The following SRGAP1 variants were observed in gnomAD, a reference collection of about 807,000 sequenced individuals.
The protein encoded by SRGAP1 is SLIT-ROBO Rho GTPase-activating protein 1.
In SRGAP1, 43 loss-of-function variants were observed where a neutral mutation model predicts 121.9. The ratio of observed to expected loss-of-function variants is 0.35; its 90% CI spans 0.28 to 0.46. The LOEUF (loss-of-function observed/expected upper bound fraction) is 0.46. Among genes scored for constraint, SRGAP1 ranks in the 20% least tolerant of loss-of-function variants. SRGAP1 has a pLI of 1.00. For synonymous variants in SRGAP1, 447 were observed against 485.4 expected (o/e 0.92, Z 1.04); for missense variants, 1,102 against 1,350.9 (o/e 0.82, Z 2.89).
intron 3 of SRGAP1, among the ~76,000 whole-genome samples, chr12:64,008,420 G>A (rs1310475547): frequency 6.6e-6 from 1 of 152,092 alleles, no homozygotes; most frequent in Non-Finnish European, 1.5e-5. Context: ...TCAGATTGGT[G>A]ACCAGTTAAC....
At chr12:64,036,456 A>G (rs546646186) in intron 4 of SRGAP1, among the ~76,000 whole-genome samples, 28 of 152,308 alleles carry the variant, frequency 1.8e-4, no homozygotes, top group African/African-American at 6.7e-4. Flanking sequence ...TCTTTATCTT[A>G]GGTAGTTGAT....
intron 1 of SRGAP1, among the ~76,000 whole-genome samples, chr12:63,852,416 C>T (rs1358164106): frequency 3.9e-5 from 6 of 152,138 alleles, no homozygotes; most frequent in Non-Finnish European, 8.8e-5. Flanking sequence ...CTTGAATTAT[C>T]CTAAGAGAGT....
At chr12:63,853,576 G>T (rs1899145374) in intron 1 of SRGAP1, among the ~76,000 whole-genome samples, 1 of 152,188 alleles carries the variant, frequency 6.6e-6, no homozygotes, top group Non-Finnish European at 1.5e-5. Flanking sequence ...AATAATTAAA[G>T]ATAATCATAA....
chr12:63,987,001 G>A (rs2033436605), intron 2 of SRGAP1, among the ~76,000 whole-genome samples: 1 of 152,184 alleles, frequency 6.6e-6, no homozygotes, highest in Non-Finnish European at 1.5e-5. Flanking sequence ...AGCCAGACTT[G>A]GGTTTGAATA....
chr12:64,091,743 G>T (rs1217989893), intron 12 of SRGAP1: 1 of 588,130 alleles, frequency 1.7e-6, no homozygotes, highest in African/African-American at 1.9e-5. Flanking sequence ...TGTTAGGATA[G>T]CTCTGAAACA....
chr12:64,100,182 C>T (rs1012834393), intron 15 of SRGAP1, among the ~76,000 whole-genome samples: 1 of 152,170 alleles, frequency 6.6e-6, no homozygotes, highest in Non-Finnish European at 1.5e-5. Context: ...AAACTGTGGT[C>T]ACATATGCCA....
intron 21 of SRGAP1, among the ~76,000 whole-genome samples, chr12:64,132,851 C>T (rs529667719): frequency 6.6e-6 from 1 of 152,352 alleles, no homozygotes; most frequent in South Asian, 2.1e-4. Flanking sequence ...TGAGGTAGGA[C>T]AGTAAAGGTA....
intron 18 of SRGAP1, among the ~76,000 whole-genome samples, chr12:64,125,545 T>G (rs930444788): frequency 1.3e-5 from 2 of 152,166 alleles, no homozygotes; most frequent in Admixed American, 6.5e-5. Flanking sequence ...AGATGGTGAT[T>G]TTTTTCCATG....
intron 1 of SRGAP1, among the ~76,000 whole-genome samples, chr12:63,851,826 C>G (rs1181702025): frequency 6.6e-6 from 1 of 152,104 alleles, no homozygotes; most frequent in Middle Eastern, 3.4e-3. Flanking sequence ...CTCAGCTTCC[C>G]CAAGTGCTGG....
chr12:64,129,184 G>A (rs1399846229), intron 21 of SRGAP1, among the ~76,000 whole-genome samples: 3 of 151,960 alleles, frequency 2.0e-5, no homozygotes, highest in Non-Finnish European at 2.9e-5. Context: ...ACATATAAAG[G>A]GGAGTTTATT....
chr12:64,104,952 T>C (rs1186365621), intron 15 of SRGAP1, among the ~76,000 whole-genome samples: 2 of 152,080 alleles, frequency 1.3e-5, no homozygotes, highest in Non-Finnish European at 2.9e-5. Flanking sequence ...TTTTTAAGTG[T>C]ACAGTTCGGT....
intron 15 of SRGAP1, among the ~76,000 whole-genome samples, chr12:64,105,105 T>C (rs532691671): frequency 6.6e-6 from 1 of 152,264 alleles, no homozygotes; most frequent in African/African-American, 2.4e-5. Flanking sequence ...TCTCTTCTGC[T>C]TTCTGTCTCT....
chr12:64,145,479 C>T lies in SRGAP1; in HGVS notation c.*2807C>T, dbSNP rs2037037394. 6.6e-6 allele frequency: 1 copy of T among 152,154 alleles called. No individual in the cohort carries two copies. Among genetic ancestry groups the T allele is most frequent in the South Asian group, 2.1e-4 (1 of 4,826 alleles). 9.4% of individuals were successfully genotyped at this position (152,154 alleles called of 1,614,324 possible). ...ACAGGCTGTGCCTTGTTTCAGGAAA[C>T]AGCTCCTAATACTCTCCCATCACTC... On this transcript the variant is annotated 3_prime_UTR_variant, in exon 22 of 22. Coordinates refer to ENST00000355086, the MANE Select transcript of SRGAP1 (RefSeq NM_020762.4).
At position 63,989,966 on chromosome 12, in the gene SRGAP1, T is replaced by C. The variant is rs1565625514; in HGVS notation, c.320T>C (p.Val107Ala). Reference sequence around the variant, plus strand: ...TGCTGGTATTTGCTCCTGAACCAAGTAAGGAGAGAAAGCAAAGACCATGCA... The same window carrying C: ...TGCTGGTATTTGCTCCTGAACCAAGCAAGGAGAGAAAGCAAAGACCATGCA... The part of the protein sequence containing the change: ...VNCWYLLLNQ[V>A]RRESKDHATL... Residue 107 changes from valine (V) to alanine (A), a missense_variant, in exon 3 of 22, where the codon GTA becomes GCA. Coordinates refer to ENST00000355086, the MANE Select transcript of SRGAP1 (RefSeq NM_020762.4). 3 of 1,613,830 alleles carry C rather than the reference T, an allele frequency of 1.9e-6. No homozygotes were observed. The highest frequency in any genetic ancestry group is 2.5e-6 in the Non-Finnish European group (3 of 1,179,792).
chr12:64,115,694 G>C, intron 17 of SRGAP1, 120 bp from the exon 18 acceptor site: 1 of 660,378 alleles, frequency 1.5e-6, no homozygotes, highest in Middle Eastern at 3.3e-4. Flanking sequence ...CTGGGAGGCA[G>C]AGGTTTCAGT....
At chr12:64,132,068 G>A (rs578165566) in intron 21 of SRGAP1, among the ~76,000 whole-genome samples, 5 of 150,666 alleles carry the variant, frequency 3.3e-5, no homozygotes, top group South Asian at 2.1e-4. Flanking sequence ...CCAACTACTC[G>A]GGAGGTTGAG....
intron 1 of SRGAP1, among the ~76,000 whole-genome samples, chr12:63,946,776 C>T (rs1048402087): frequency 2.0e-5 from 3 of 152,128 alleles, no homozygotes; most frequent in Non-Finnish European, 2.9e-5. Flanking sequence ...AACTCCTGAA[C>T]TCGTGATCCA....
rs2037164135 is a variant in SRGAP1 at position 64,156,308 on chromosome 12, A to C, written c.*13636A>C. The C allele has an allele frequency of 6.6e-6, 1 of 152,254 alleles. No homozygotes were observed. Among genetic ancestry groups the C allele is most frequent in the African/African-American group, 2.4e-5 (1 of 41,462 alleles). 9.4% of individuals were successfully genotyped at this position (152,254 alleles called of 1,614,324 possible). The stretch of plus-strand genomic sequence containing the variant: ...ACTCATTTGCAGGAAGAACAATGTC[A>C]GGTGGAGAGAAGGAATTGAATGAAT... On this transcript the variant is annotated 3_prime_UTR_variant, in exon 22 of 22. Coordinates refer to ENST00000355086, the MANE Select transcript of SRGAP1 (RefSeq NM_020762.4).
intron 4 of SRGAP1, among the ~76,000 whole-genome samples, chr12:64,024,373 A>G (rs2034609907): frequency 6.6e-6 from 1 of 152,200 alleles, no homozygotes; most frequent in South Asian, 2.1e-4. Context: ...CAAGACTGCA[A>G]TGAGCCATGA....
Sources: gnomAD v4.1 joint callset for allele counts (sites outside exome capture counted in the v4.1 genomes callset) on GRCh38, gnomAD v4.1.1 for gene constraint, MANE v1.5 for transcripts, NCBI Gene and HGNC (gene_info 2026-07-23, HGNC 2026-07-21) for gene names.